Variants in CACNA2D1 observed in about 807,000 individuals in gnomAD.
CACNA2D1 encodes calcium voltage-gated channel auxiliary subunit alpha2delta 1.
A neutral mutation model predicts 171.5 loss-of-function variants in CACNA2D1; 53 were observed. The ratio of observed to expected loss-of-function variants is 0.31; its 90% CI spans 0.25 to 0.39. The LOEUF (loss-of-function observed/expected upper bound fraction) is 0.39, where lower values mean the gene tolerates loss of function less well. CACNA2D1 is among the 10% of genes least tolerant of loss of function. The pLI, the probability that CACNA2D1 is intolerant of heterozygous loss-of-function variation, is 1.00. For synonymous variants in CACNA2D1, 442 were observed against 443.1 expected, an observed-to-expected ratio of 1.00 and a Z score of 0.03; for missense variants, 903 against 1,299.8, an observed-to-expected ratio of 0.69 and a Z score of 4.69.
chr7:82,021,895 C>A (rs1321806976), intron 12 of CACNA2D1, among the ~76,000 whole-genome samples: 1 of 151,866 alleles, frequency 6.6e-6, no homozygotes, highest in Non-Finnish European at 1.5e-5. Context: ...AGCAGAAAAA[C>A]CAGCAAAAAG....
chr7:82,403,096 A>G (rs1165585931), intron 1 of CACNA2D1, among the ~76,000 whole-genome samples: 2 of 152,138 alleles, frequency 1.3e-5, no homozygotes, highest in Non-Finnish European at 2.9e-5. Flanking sequence ...CTAACTTAGA[A>G]TATCTAGAGG....
intron 6 of CACNA2D1, among the ~76,000 whole-genome samples, chr7:82,113,946 T>C (rs979796707): frequency 1.1e-4 from 16 of 152,120 alleles, no homozygotes; most frequent in African/African-American, 3.4e-4. Context: ...AAATAAATAA[T>C]CCAAAGACAG....
intron 3 of CACNA2D1, among the ~76,000 whole-genome samples, chr7:82,229,686 T>TTTTATTTTA (rs1554472418): frequency 1.4e-5 from 2 of 147,914 alleles, no homozygotes; most frequent in Admixed American, 6.8e-5. Flanking sequence ...ACTTTTTTTA[T>TTTTATTTTA]TTTTATTTTA....
chr7:82,159,106 T>A (rs1794673426), intron 4 of CACNA2D1, among the ~76,000 whole-genome samples: 1 of 151,974 alleles, frequency 6.6e-6, no homozygotes, highest in Admixed American at 6.6e-5. Flanking sequence ...AGATGCTGCA[T>A]ATATTTTCAG....
At chr7:82,382,711 G>A (rs1170720489) in intron 1 of CACNA2D1, among the ~76,000 whole-genome samples, 1 of 152,194 alleles carries the variant, frequency 6.6e-6, no homozygotes, top group South Asian at 2.1e-4. Flanking sequence ...TTTGTGAAAC[G>A]GTAAATGTTA....
chr7:81,959,846 G>A lies in CACNA2D1; in HGVS notation c.2967-17C>T. The A allele has an allele frequency of 6.2e-7, 1 of 1,608,530 alleles. No homozygotes were observed. Among genetic ancestry groups the A allele is most frequent in the Non-Finnish European group, 8.5e-7 (1 of 1,176,854 alleles). ...TGAAAGATTCTGCAAAATAAATATGGTATCATAGAAAATGAGTATCTTTTC... is the reference window on the plus strand; with the variant it reads ...TGAAAGATTCTGCAAAATAAATATGATATCATAGAAAATGAGTATCTTTTC... On this transcript the variant is annotated splice_polypyrimidine_tract_variant and intron_variant, in intron 36 of 38. Coordinates refer to ENST00000356860, the MANE Select transcript of CACNA2D1 (RefSeq NM_000722.4).
intron 1 of CACNA2D1, among the ~76,000 whole-genome samples, chr7:82,370,577 G>GGATGGATGGACGGATT (rs1432728875): frequency 2.0e-5 from 3 of 151,152 alleles, no homozygotes; most frequent in Non-Finnish European, 4.4e-5. Context: ...ATGGATGGAT[G>GGATGGATGGACGGATT]GATAGAAATA....
intron 4 of CACNA2D1, among the ~76,000 whole-genome samples, chr7:82,144,598 A>C (rs1792769951): frequency 6.6e-6 from 1 of 151,712 alleles, no homozygotes; most frequent in Non-Finnish European, 1.5e-5. Context: ...ACATCAAAGA[A>C]GCCAAGTTCA....
Position 81,981,569 on chromosome 7 carries a change from A to G in CACNA2D1, c.1955+998T>C, listed in dbSNP as rs571871579. Among the ~76,000 whole-genome samples, 31 of 152,340 alleles carry G rather than the reference A, an allele frequency of 2.0e-4. No individual in the cohort carries two copies. The South Asian group carries it at 6.4e-3, about 32-fold the overall frequency. On this transcript the variant is annotated intron_variant, in intron 24 of 38. Transcript: ENST00000356860. Reference sequence around the variant, plus strand: ...ATCTTTGAGTTTTTGGAATAATTTAAGAAAAGTGAAAAATTAACAATCCAA... The same window carrying G: ...ATCTTTGAGTTTTTGGAATAATTTAGGAAAAGTGAAAAATTAACAATCCAA...
chr7:82,049,126 TAA>T (rs10652736), intron 10 of CACNA2D1, among the ~76,000 whole-genome samples: 1 of 139,016 alleles, frequency 7.2e-6, no homozygotes. Context: ...TGGCAACTCA[TAA>T]AAAAAAAAAA....
chr7:82,089,334 G>T (rs1479044918), intron 6 of CACNA2D1, among the ~76,000 whole-genome samples: 1 of 152,084 alleles, frequency 6.6e-6, no homozygotes, highest in African/African-American at 2.4e-5. Context: ...CTTAGATTAG[G>T]AGTAAAATTA....
chr7:82,416,223 A>G (rs1372263039), intron 1 of CACNA2D1, among the ~76,000 whole-genome samples: 2 of 151,864 alleles, frequency 1.3e-5, no homozygotes, highest in Non-Finnish European at 2.9e-5. Context: ...TCAAAAAATA[A>G]TAATAATAAT....
rs180776060 is a variant in CACNA2D1 at position 82,070,216 on chromosome 7, T to C, written c.659-3692A>G. On this transcript the variant is annotated intron_variant, in intron 7 of 38. Coordinates refer to ENST00000356860, the MANE Select transcript of CACNA2D1 (RefSeq NM_000722.4). ...GGGTAGATGACTGTCATTAGAAGAA[T>C]GTGGATTATACCCACACAAAGGTGC... Among the ~76,000 whole-genome samples the C allele has an allele frequency of 7.2e-5, 11 of 152,302 alleles. No homozygotes were observed. The East Asian group carries it at 2.1e-3, about 29-fold the overall frequency.
chr7:82,006,232 G>C (rs530232566), intron 16 of CACNA2D1, among the ~76,000 whole-genome samples: 30 of 152,098 alleles, frequency 2.0e-4, no homozygotes, highest in African/African-American at 7.2e-4. Flanking sequence ...CCACAAGAAT[G>C]TCCAGCTTAA....
At chr7:82,185,272 T>G (rs1400929019) in intron 3 of CACNA2D1, among the ~76,000 whole-genome samples, 2 of 151,556 alleles carry the variant, frequency 1.3e-5, no homozygotes, top group African/African-American at 4.9e-5. Context: ...TCTGGTATTT[T>G]TTTTGTCACT....
intron 3 of CACNA2D1, among the ~76,000 whole-genome samples, chr7:82,263,636 A>C (rs1423396378): frequency 6.6e-6 from 1 of 152,206 alleles, no homozygotes; most frequent in East Asian, 1.9e-4. Context: ...CTTAGAGATA[A>C]CTTAAAAGAG....
At chr7:82,123,416 C>A (rs748467059) in intron 5 of CACNA2D1, among the ~76,000 whole-genome samples, 3 of 152,196 alleles carry the variant, frequency 2.0e-5, no homozygotes, top group Non-Finnish European at 4.4e-5. Flanking sequence ...TGTAACCTCA[C>A]AACTGTCAAT....
Position 82,443,663 on chromosome 7 carries a change from G to T in CACNA2D1, c.-204C>A, listed in dbSNP as rs1830685052. 5 of 1,275,754 alleles carry T rather than the reference G, an allele frequency of 3.9e-6. No homozygotes were observed. In the East Asian group the frequency reaches 9.4e-5, roughly 24 times the overall value. The allele number at this position is 1,275,754 out of a possible 1,614,324, so 79.0% of individuals were successfully genotyped here. A position where few individuals can be genotyped will look rare whatever the true frequency, so the allele number is the denominator to read the frequency against. On this transcript the variant is annotated 5_prime_UTR_variant, in exon 1 of 39. Transcript: ENST00000356860. ...GCCGAGGAAGGGGCGGTGGCGGGCG[G>T]ACCCACTAGCGTGCGTCGGCTGCTC...
intron 10 of CACNA2D1, among the ~76,000 whole-genome samples, chr7:82,038,850 G>A (rs1195358865): frequency 1.3e-5 from 2 of 152,206 alleles, no homozygotes; most frequent in African/African-American, 4.8e-5. Flanking sequence ...GCCCTGAACA[G>A]CAGAGAGGCT....
Sources: gnomAD v4.1 joint callset for allele counts (sites outside exome capture counted in the v4.1 genomes callset) on GRCh38, gnomAD v4.1.1 for gene constraint, MANE v1.5 for transcripts, NCBI Gene and HGNC (gene_info 2026-07-23, HGNC 2026-07-21) for gene names.